The following NUP214 variants were observed in gnomAD, a reference collection of about 807,000 sequenced individuals.
The protein encoded by NUP214 is nuclear pore complex protein Nup214.
Under a neutral mutation model 196.2 loss-of-function variants are expected in NUP214, and 79 were observed. The observed-to-expected ratio is 0.40, with a 90% CI of 0.34 to 0.49. The LOEUF is 0.49. Ranked by LOEUF, NUP214 falls within the 20% of genes least tolerant of loss-of-function variation. The pLI is 0.58. For missense variants in NUP214, 2,468 were observed against 2,539.0 expected, an observed-to-expected ratio of 0.97 and a Z score of 0.60; for synonymous variants, 1,020 against 990.5, an observed-to-expected ratio of 1.03 and a Z score of -0.56.
chr9:131,150,731 A>T lies in NUP214; in HGVS notation c.2243A>T (p.His748Leu), dbSNP rs551490545. The part of the protein sequence containing the change: ...KMLRTESDDL[H>L]TFLLEIKETT... ...CTGCGAACAGAATCAGATGACTTGC[A>T]TACCTTTCTTTTGGAGATTAAAGAG... The change falls in exon 16 of 36, where the codon CAT becomes CTT. Residue 748 changes from histidine to leucine, a missense_variant. His to Leu is a moderately conservative substitution (Grantham distance 99, BLOSUM62 -3). Coordinates refer to ENST00000359428, the MANE Select transcript of NUP214 (RefSeq NM_005085.4). The T allele has an allele frequency of 8.7e-6, 14 of 1,613,824 alleles. No homozygotes were observed. Among genetic ancestry groups the T allele is most frequent in the Non-Finnish European group, 1.2e-5 (14 of 1,179,908 alleles).
At chr9:131,135,400 A>C in intron 8 of NUP214, 1 of 187,838 alleles carries the variant, frequency 5.3e-6, no homozygotes, top group Admixed American at 5.9e-5. Context: ...AGGAAAATGG[A>C]GGCTGAGATG....
intron 24 of NUP214, among the ~76,000 whole-genome samples, chr9:131,180,216 C>T (rs970969413): frequency 6.6e-6 from 1 of 152,184 alleles, no homozygotes; most frequent in South Asian, 2.1e-4. Context: ...CAGAATTAGA[C>T]TCTGGTATAA....
At chr9:131,151,619 T>C (rs1016290172) in intron 16 of NUP214, 117 bp from the exon 17 acceptor site, 6 of 659,908 alleles carry the variant, frequency 9.1e-6, no homozygotes, top group Non-Finnish European at 1.5e-5. Context: ...GAGTTAAATA[T>C]GTTCAGATGT....
chr9:131,133,791 G>C (rs61540838), intron 7 of NUP214: 1 of 152,128 alleles, frequency 6.6e-6, no homozygotes, highest in African/African-American at 2.4e-5. Flanking sequence ...ATAAATTTTA[G>C]AAAAGCAAGA....
Position 131,174,209 on chromosome 9 carries a change from C to T in NUP214, c.3048C>T (p.Ala1016=), listed in dbSNP as rs1343784619. ...CAGTGGTTCAGGCCCCTCGGCACGC[C>T]CCCGTGGTTCGCACTCCTTCCATCC... The part of the protein sequence containing the change: ...DEAVVQAPRH[A]PVVRTPSIQP... Residue 1016 remains alanine (A), a synonymous_variant, in exon 22 of 36, where the codon GCC becomes GCT. Transcript: ENST00000359428. 1 of 1,613,826 alleles carries T rather than the reference C, an allele frequency of 6.2e-7. No individual in the cohort carries two copies. The highest frequency in any genetic ancestry group is 1.7e-5 in the Admixed American group (1 of 59,924).
At position 131,168,141 on chromosome 9, in the gene NUP214, C is replaced by T. The variant is rs191029741; in HGVS notation, c.2893+3997C>T. Among the ~76,000 whole-genome samples the T allele has an allele frequency of 3.5e-3, 532 of 152,328 alleles. 2 individuals carry two copies. Among genetic ancestry groups the T allele is most frequent in the Non-Finnish European group, 6.0e-3 (406 of 68,024 alleles). The stretch of plus-strand genomic sequence containing the variant: ...CTGGCCTTACGTGATCTTCCTGCCT[C>T]AGCTTCCCAAAGCGCTGGGATTACA... On this transcript the variant is annotated intron_variant, in intron 21 of 35. Transcript: ENST00000359428.
intron 8 of NUP214, 131 bp downstream of exon 8, chr9:131,135,135 G>T: frequency 1.5e-6 from 1 of 658,978 alleles, no homozygotes; most frequent in Non-Finnish European, 2.6e-6. Flanking sequence ...CATTACCCAG[G>T]CTGGAGTGCA....
In NUP214 at chr9:131,140,596, A is replaced by G. The variant is rs760806278; in HGVS notation, c.1180A>G (p.Thr394Ala). Reference sequence around the variant, plus strand: ...TGCTCCAGTTCTCATGTTACTTTCAACAGATGGTGTGCTTTGTCCATTTTA... The same window carrying G: ...TGCTCCAGTTCTCATGTTACTTTCAGCAGATGGTGTGCTTTGTCCATTTTA... Reference protein sequence around the residue: ...PPAPVLMLLSTDGVLCPFYMI... With the variant: ...PPAPVLMLLSADGVLCPFYMI... The change falls in exon 11 of 36, where the codon ACA (threonine) becomes GCA (alanine). Residue 394 changes from threonine to alanine, a missense_variant. Around this residue, in one of 5 missense-constraint regions of NUP214, gnomAD observed 1,801 missense variants for 1,779.4 expected, o/e 1.01. Coordinates refer to ENST00000359428, the MANE Select transcript of NUP214 (RefSeq NM_005085.4). The G allele has an allele frequency of 1.2e-5, 19 of 1,613,802 alleles. No homozygotes were observed. The highest frequency in any genetic ancestry group is 2.7e-5 in the African/African-American group (2 of 74,890).
chr9:131,191,223 G>A (rs1327215197), intron 26 of NUP214: 2 of 152,094 alleles, frequency 1.3e-5, no homozygotes, highest in Non-Finnish European at 2.9e-5. Flanking sequence ...TAGCACTTTG[G>A]GAGGCCAAGG....
intron 26 of NUP214, 121 bp downstream of exon 26, chr9:131,189,252 G>A: frequency 1.2e-6 from 1 of 800,978 alleles, no homozygotes; most frequent in Non-Finnish European, 2.2e-6. Context: ...GAGATCGGGA[G>A]CATTCAGGGT....
chr9:131,233,397 T>A, intron 35 of NUP214, 57 bp from the exon 36 acceptor site: 1 of 1,522,486 alleles, frequency 6.6e-7, no homozygotes, highest in South Asian at 1.2e-5. Context: ...CAGCAGAGCC[T>A]GTGACTGCTC....
chr9:131,162,383 A>C (rs560619517), intron 18 of NUP214, among the ~76,000 whole-genome samples: 1 of 152,312 alleles, frequency 6.6e-6, no homozygotes, highest in African/African-American at 2.4e-5. Flanking sequence ...GTCAGAAAAA[A>C]ATTTCAAAGC....
At chr9:131,131,403 AC>A (rs1421442182) in intron 5 of NUP214, among the ~76,000 whole-genome samples, 1 of 152,164 alleles carries the variant, frequency 6.6e-6, no homozygotes, top group Non-Finnish European at 1.5e-5. Context: ...GTTGCAAGGA[AC>A]CCCCATATGT....
chr9:131,129,385 T>A lies in NUP214; in HGVS notation c.500T>A (p.Val167Asp). 1 of 1,614,206 alleles carries A rather than the reference T, an allele frequency of 6.2e-7. No individual in the cohort carries two copies. Among genetic ancestry groups the A allele is most frequent in the Non-Finnish European group, 8.5e-7 (1 of 1,180,034 alleles). The change falls in exon 4 of 36, where the codon GTT becomes GAT. Residue 167 changes from valine to aspartate, a missense_variant. Val to Asp is a radical substitution (Grantham distance 152). Around this residue, in one of 5 missense-constraint regions of NUP214, gnomAD observed 392 missense variants for 417.9 expected, o/e 0.94. Transcript: ENST00000359428. The stretch of plus-strand genomic sequence containing the variant: ...CCCACTGTCCCCTCCATGGTGGCAG[T>A]TTGTCTGGCTGATGGTAGTATTGCT... Reference protein sequence around the residue: ...WNPTVPSMVAVCLADGSIAVL... With the variant: ...WNPTVPSMVADCLADGSIAVL...
chr9:131,166,677 T>A (rs1243456071), intron 21 of NUP214, among the ~76,000 whole-genome samples: 1 of 152,148 alleles, frequency 6.6e-6, no homozygotes, highest in Non-Finnish European at 1.5e-5. Context: ...TGCCGTTTTT[T>A]AGAAGCCCTC....
chr9:131,152,536 A>G (rs1258803712), intron 17 of NUP214, among the ~76,000 whole-genome samples: 1 of 151,966 alleles, frequency 6.6e-6, no homozygotes, highest in African/African-American at 2.4e-5. Flanking sequence ...AGTGGCAACT[A>G]TTTCTTGAGT....
intron 30 of NUP214, among the ~76,000 whole-genome samples, chr9:131,212,863 A>G (rs1834284918): frequency 6.6e-6 from 1 of 152,186 alleles, no homozygotes; most frequent in African/African-American, 2.4e-5. Context: ...AAAGGATGAG[A>G]AGTACTTGGG....
intron 27 of NUP214, 53 bp downstream of exon 27, chr9:131,192,345 A>G: frequency 9.6e-7 from 1 of 1,036,694 alleles, no homozygotes; most frequent in Non-Finnish European, 1.5e-6. Context: ...AGCTTCCCCA[A>G]ATCTTACAAT....
rs553451189 is a variant in NUP214, at chr9:131,209,495, A to G, written c.5593-5717A>G. ...AACCTCCGACTCCCAGGTTCAATCA[A>G]TTCTCCCACCTCAGCCTCTCAAGTA... On this transcript the variant is annotated intron_variant, in intron 30 of 35. Coordinates refer to ENST00000359428, the MANE Select transcript of NUP214 (RefSeq NM_005085.4). 9.9e-5 allele frequency among the ~76,000 whole-genome samples: 15 copies of G among 152,222 alleles called. No homozygotes were observed. The South Asian group carries it at 2.7e-3, about 27-fold the overall frequency.
Sources: allele counts gnomAD v4.1 joint callset (sites outside exome capture counted in the v4.1 genomes callset), GRCh38; gene constraint gnomAD v4.1.1; regional missense constraint gnomAD v4.1.1; transcripts MANE v1.5; gene names NCBI Gene and HGNC (gene_info 2026-07-23, HGNC 2026-07-21).